PPARG: variants seen among roughly 807,000 people sequenced by gnomAD.
PPARG encodes peroxisome proliferator activated receptor gamma.
PPARG carries 17 observed loss-of-function variants against 39.2 expected under a neutral mutation model. The ratio of observed to expected loss-of-function variants is 0.43; its 90% confidence interval spans 0.30 to 0.65. The LOEUF is 0.65. Among genes scored for constraint, PPARG ranks in the 30% least tolerant of loss-of-function variants. PPARG has a pLI of 0.13. For missense variants in PPARG, 406 were observed against 585.9 expected (o/e 0.69, Z 3.17); for synonymous variants, 223 against 215.7 (o/e 1.03, Z -0.30).
intron 2 of PPARG, among the ~76,000 whole-genome samples, chr3:12,367,632 T>C (rs2049059033): frequency 1.3e-5 from 2 of 151,498 alleles, no homozygotes; most frequent in South Asian, 4.2e-4. Context: ...GAGGATTGCT[T>C]GAGTCCGGGA....
At chr3:12,372,791 C>T (rs73025259) in intron 2 of PPARG, among the ~76,000 whole-genome samples, 6,077 of 152,202 alleles carry the variant, frequency 0.04, 272 homozygotes, top group Admixed American at 0.12. Flanking sequence ...ATTTTTGTTG[C>T]ACTACTTCAT....
At chr3:12,326,043 G>A (rs1029894786) in intron 2 of PPARG, among the ~76,000 whole-genome samples, 1 of 152,096 alleles carries the variant, frequency 6.6e-6, no homozygotes, top group Non-Finnish European at 1.5e-5. Flanking sequence ...GTAAGAAAAA[G>A]AAAACCACAA....
chr3:12,384,198 G>T (rs931231241), intron 4 of PPARG, among the ~76,000 whole-genome samples: 7 of 151,956 alleles, frequency 4.6e-5, no homozygotes, highest in African/African-American at 1.7e-4. Context: ...TTAATATAAA[G>T]AAAATATGTG....
intron 5 of PPARG, among the ~76,000 whole-genome samples, chr3:12,401,072 T>G (rs747374795): frequency 5.3e-5 from 8 of 152,302 alleles, no homozygotes; most frequent in Middle Eastern, 6.8e-3. Context: ...AAAAATACAC[T>G]TGTATATGAG....
chr3:12,377,017 G>T (rs778967233), intron 2 of PPARG, among the ~76,000 whole-genome samples: 1 of 151,958 alleles, frequency 6.6e-6, no homozygotes, highest in Non-Finnish European at 1.5e-5. Flanking sequence ...TGCTTTTTTG[G>T]CACCACTTTG....
At chr3:12,414,230 G>A (rs1367959983) in intron 6 of PPARG, among the ~76,000 whole-genome samples, 1 of 152,226 alleles carries the variant, frequency 6.6e-6, no homozygotes, top group Non-Finnish European at 1.5e-5. Context: ...GTGAAAAGGT[G>A]ATGATTTTAT....
At chr3:12,406,664 C>T (rs1268573365) in intron 6 of PPARG, 23 of 158,696 alleles carry the variant, frequency 1.4e-4, no homozygotes, top group Non-Finnish European at 2.8e-4. Flanking sequence ...CTCAGCATCC[C>T]GAGTAGCTGG....
chr3:12,296,716 T>C (rs1051729593), intron 1 of PPARG, among the ~76,000 whole-genome samples: 3 of 152,208 alleles, frequency 2.0e-5, no homozygotes, highest in Non-Finnish European at 4.4e-5. Flanking sequence ...ACTGGTTCTT[T>C]TTAGCTTAGC....
chr3:12,360,278 T>C (rs1391038354), intron 2 of PPARG, among the ~76,000 whole-genome samples: 1 of 152,166 alleles, frequency 6.6e-6, no homozygotes, highest in Non-Finnish European at 1.5e-5. Flanking sequence ...CCCAAAGTGC[T>C]GGGATTACAG....
At chr3:12,290,904 G>C (rs1259614183) in intron 1 of PPARG, among the ~76,000 whole-genome samples, 1 of 152,114 alleles carries the variant, frequency 6.6e-6, no homozygotes, top group Non-Finnish European at 1.5e-5. Context: ...GACATTTTCT[G>C]AATGTTTCAC....
Position 12,348,533 on chromosome 3 carries a change from C to T in PPARG, c.-8-31171C>T, listed in dbSNP as rs189736333. On this transcript the variant is annotated intron_variant, in intron 2 of 7. Coordinates refer to ENST00000651735, the MANE Select transcript of PPARG (RefSeq NM_138711.6). ...TCATTATAGAATCATTCCTCATTAT[C>T]CCCATTCTTTCTCCTGCTGAGGATG... Among the ~76,000 whole-genome samples, 205 of 152,292 alleles carry T rather than the reference C, an allele frequency of 1.3e-3. 2 individuals are homozygous for T. Among genetic ancestry groups the T allele is most frequent in the African/African-American group, 4.8e-3 (200 of 41,562 alleles).
intron 4 of PPARG, among the ~76,000 whole-genome samples, chr3:12,390,876 C>G (rs2050053060): frequency 6.6e-6 from 1 of 151,958 alleles, no homozygotes; most frequent in African/African-American, 2.4e-5. Flanking sequence ...GTCTCGAACT[C>G]CTGGACTCAA....
At chr3:12,337,470 C>A (rs1056132595) in intron 2 of PPARG, among the ~76,000 whole-genome samples, 4 of 152,122 alleles carry the variant, frequency 2.6e-5, no homozygotes, top group Admixed American at 2.6e-4. Flanking sequence ...CTGAATAGAG[C>A]AAGAGTTTAT....
chr3:12,303,967 G>C (rs2046993522), intron 1 of PPARG, among the ~76,000 whole-genome samples: 2 of 152,194 alleles, frequency 1.3e-5, no homozygotes, highest in Non-Finnish European at 2.9e-5. Context: ...TTAGCACTTG[G>C]AATTACAGTT....
chr3:12,423,783 G>A lies in PPARG; in HGVS notation c.1180+6629G>A, dbSNP rs143611439. On this transcript the variant is annotated intron_variant, in intron 7 of 7. Transcript: ENST00000651735. ...GAGGGTTTTTGGACAAGACAGGCTG[G>A]TGCCTACATGGTGAAAGTTGTTTTT... Among the ~76,000 whole-genome samples the A allele has an allele frequency of 3.2e-3, 486 of 152,340 alleles. 8 individuals carry two copies. The highest frequency in any genetic ancestry group is 0.026 in the Admixed American group (396 of 15,306).
At chr3:12,417,902 CTTTTTTTTT>C (rs869086237) in intron 7 of PPARG, among the ~76,000 whole-genome samples, 1 of 65,900 alleles carries the variant, frequency 1.5e-5, no homozygotes, top group Non-Finnish European at 2.7e-5. Flanking sequence ...TTTTTTTTTC[CTTTTTTTTT>C]TTTTTTTTTT....
intron 2 of PPARG, among the ~76,000 whole-genome samples, chr3:12,373,687 A>G (rs574263360): frequency 9.8e-4 from 149 of 152,274 alleles, no homozygotes; most frequent in African/African-American, 3.4e-3. Context: ...TGCATAGAAT[A>G]TGCACATGGG....
intron 2 of PPARG, among the ~76,000 whole-genome samples, chr3:12,327,261 C>T (rs576692737): frequency 6.6e-6 from 1 of 152,268 alleles, no homozygotes; most frequent in East Asian, 1.9e-4. Flanking sequence ...GTCACCACTC[C>T]GGTTCCAATC....
chr3:12,322,555 A>T (rs942620541), intron 2 of PPARG, among the ~76,000 whole-genome samples: 5 of 152,210 alleles, frequency 3.3e-5, no homozygotes, highest in South Asian at 2.1e-4. Context: ...GCTTCATGAG[A>T]TGGTTGCACT....
Sources: allele counts gnomAD v4.1 joint callset (sites outside exome capture counted in the v4.1 genomes callset), GRCh38; gene constraint gnomAD v4.1.1; transcripts MANE v1.5; gene names NCBI Gene and HGNC (gene_info 2026-07-23, HGNC 2026-07-21).